Variants in KIF1B observed in about 807,000 individuals in gnomAD.
The protein encoded by KIF1B is kinesin-like protein KIF1B.
A neutral mutation model predicts 241.9 loss-of-function variants in KIF1B; 76 were observed. The ratio of observed to expected loss-of-function variants is 0.31; its 90% CI spans 0.26 to 0.38. KIF1B has a LOEUF of 0.38. Ranked by LOEUF, KIF1B falls within the 10% of genes least tolerant of loss-of-function variation. KIF1B has a pLI of 1.00. For synonymous variants in KIF1B, 750 were observed against 796.7 expected, an observed-to-expected ratio of 0.94 and a Z score of 0.99; for missense variants, 1,622 against 2,271.4, an observed-to-expected ratio of 0.71 and a Z score of 5.81.
At chr1:10,345,782 A>G in intron 34 of KIF1B, 63 bp from the exon 35 acceptor site, 1 of 1,175,390 alleles carries the variant, frequency 8.5e-7, no homozygotes, top group Non-Finnish European at 1.3e-6. Context: ...ACATTAGAGA[A>G]GCTTGTATTT....
intron 36 of KIF1B, 130 bp downstream of exon 36, chr1:10,347,957 C>A (rs1274666554): frequency 2.4e-5 from 17 of 720,052 alleles, no homozygotes; most frequent in Admixed American, 5.2e-5. Flanking sequence ...GTCCTGTTGT[C>A]ATTTTTTTTT....
intron 2 of KIF1B, among the ~76,000 whole-genome samples, chr1:10,234,538 T>C (rs1647024786): frequency 6.6e-6 from 1 of 151,738 alleles, no homozygotes; most frequent in Admixed American, 6.6e-5. Flanking sequence ...CTTTTTTTTT[T>C]TGAGACAGGG....
At position 10,365,462 on chromosome 1, in the gene KIF1B, C is replaced by T. The variant is rs144990126; in HGVS notation, c.4566C>T (p.Ile1522=). The change falls in exon 43 of 49, where the codon ATC becomes ATT. Residue 1522 remains isoleucine (I), a synonymous_variant. Transcript: ENST00000676179. The surrounding 1 kb of genome is among the most constrained non-coding windows in gnomAD (Gnocchi z 4.0). ...LLLRERLGDS[I]PKSLSDSLSP... is the part of the protein sequence containing the mutation. Reference sequence around the variant, plus strand: ...TGCGTGAGAGACTTGGTGACAGCATCCCCAAATCCCTGAGCGACTCGTTAT... The same window carrying T: ...TGCGTGAGAGACTTGGTGACAGCATTCCCAAATCCCTGAGCGACTCGTTAT... The T allele has an allele frequency of 1.2e-5, 20 of 1,614,036 alleles. No individual in the cohort carries two copies. Among genetic ancestry groups the T allele is most frequent in the East Asian group, 4.5e-5 (2 of 44,890 alleles).
intron 24 of KIF1B, 125 bp downstream of exon 24, chr1:10,321,982 CT>C: frequency 3.2e-6 from 3 of 948,524 alleles, no homozygotes; most frequent in East Asian, 2.6e-5. Context: ...TATAAAACAG[CT>C]TTATATATGT....
intron 33 of KIF1B, among the ~76,000 whole-genome samples, chr1:10,342,871 G>A (rs751112926): frequency 6.6e-6 from 1 of 152,126 alleles, no homozygotes; most frequent in Non-Finnish European, 1.5e-5. Context: ...ATTAGAAAGC[G>A]ATGGTAATGA....
intron 40 of KIF1B, among the ~76,000 whole-genome samples, chr1:10,362,071 A>G (rs769726089): frequency 2.0e-5 from 3 of 152,232 alleles, no homozygotes; most frequent in Non-Finnish European, 4.4e-5. Context: ...TGCAAAGACT[A>G]AATTTGCAAA....
intron 40 of KIF1B, among the ~76,000 whole-genome samples, chr1:10,362,348 C>T (rs1638444600): frequency 6.6e-6 from 1 of 151,830 alleles, no homozygotes; most frequent in Non-Finnish European, 1.5e-5. Flanking sequence ...TGGTGACACA[C>T]ACCTGTAGTC....
chr1:10,246,451 A>T (rs1289111678), intron 2 of KIF1B, among the ~76,000 whole-genome samples: 2 of 152,096 alleles, frequency 1.3e-5, no homozygotes, highest in African/African-American at 4.8e-5. Flanking sequence ...CATATTTTAG[A>T]AATATACATC....
chr1:10,232,381 G>T lies in KIF1B; in HGVS notation c.53G>T (p.Arg18Leu). Residue 18 changes from arginine to leucine, a missense_variant, in exon 2 of 49, where the codon CGA becomes CTA. By Grantham distance (102) the Arg-to-Leu change is moderately radical. This residue lies in a region of KIF1B where 156 missense variants were observed against 244.8 expected (regional missense o/e 0.64). Coordinates refer to ENST00000676179, the MANE Select transcript of KIF1B (RefSeq NM_001365951.3). ...GTCCGGGTAAGGCCCTTCAATTCTC[G>T]AGAGACCAGCAAGGAATCCAAATGC... ...VAVRVRPFNSRETSKESKCII... is the reference protein window; with the variant it reads ...VAVRVRPFNSLETSKESKCII... 1.2e-6 allele frequency: 2 copies of T among 1,614,058 alleles called. No individual in the cohort carries two copies. Among genetic ancestry groups the T allele is most frequent in the Non-Finnish European group, 1.7e-6 (2 of 1,179,986 alleles).
intron 2 of KIF1B, among the ~76,000 whole-genome samples, chr1:10,255,344 G>C (rs1647713487): frequency 6.6e-6 from 1 of 151,748 alleles, no homozygotes; most frequent in Non-Finnish European, 1.5e-5. Flanking sequence ...AATCCCAGCA[G>C]TTAGGGAGGC....
At chr1:10,313,968 C>T (rs1227256729) in intron 22 of KIF1B, among the ~76,000 whole-genome samples, 2 of 151,250 alleles carry the variant, frequency 1.3e-5, no homozygotes, top group African/African-American at 4.9e-5. Context: ...GATCTTGGCT[C>T]ACTGCAACCT....
At chr1:10,346,852 A>T (rs1652608515) in intron 35 of KIF1B, among the ~76,000 whole-genome samples, 1 of 152,194 alleles carries the variant, frequency 6.6e-6, no homozygotes, top group Non-Finnish European at 1.5e-5. Context: ...CTCTGTTGTG[A>T]GGGGCTGTCC....
Position 10,376,244 on chromosome 1 carries a change from T to C in KIF1B, c.5409-301T>C, listed in dbSNP as rs549849572. ...ACCAGGGATACTCTGGTCACACATG[T>C]GCACCAATTATTTTCCTTCTTTGTC... On this transcript the variant is annotated intron_variant, in intron 48 of 48. Transcript: ENST00000676179. Among the ~76,000 whole-genome samples the C allele has an allele frequency of 7.9e-5, 12 of 152,334 alleles. No homozygotes were observed. The South Asian group carries it at 2.5e-3, about 32-fold the overall frequency.
At position 10,282,463 on chromosome 1, in the gene KIF1B, C is replaced by CATCTTT. The variant is rs747574755; in HGVS notation, c.1364_1365insATCTTT (p.Ser456_Val457insLeuSer). ...TCACTCAGTAGTCAGGTGGGCTTGA[C>CATCTTT]GTCTGTGACCAGTATTCAAGAGAGG... On this transcript the variant is annotated inframe_insertion, in exon 15 of 49. Coordinates refer to ENST00000676179, the MANE Select transcript of KIF1B (RefSeq NM_001365951.3). 1 of 1,614,128 alleles carries CATCTTT rather than the reference C, an allele frequency of 6.2e-7. No homozygotes were observed. The highest frequency in any genetic ancestry group is 2.2e-5 in the East Asian group (1 of 44,874).
intron 1 of KIF1B, among the ~76,000 whole-genome samples, chr1:10,223,201 G>A (rs1226648633): frequency 6.6e-6 from 1 of 152,292 alleles, no homozygotes; most frequent in East Asian, 1.9e-4. Flanking sequence ...GCAGTAAACC[G>A]AGATGGCTAT....
chr1:10,252,386 T>TTTGTTG (rs70997214), intron 2 of KIF1B, among the ~76,000 whole-genome samples: 36,779 of 149,808 alleles, frequency 0.25, 4,610 homozygotes, highest in Admixed American at 0.29. Flanking sequence ...TTGTGGGGTT[T>TTTGTTG]TTGTTGTTGT....
rs1338608587 is a variant in KIF1B at position 10,361,833 on chromosome 1, T to G, written c.4304+8T>G. 1 of 1,613,588 alleles carries G rather than the reference T, an allele frequency of 6.2e-7. No individual in the cohort carries two copies. The highest frequency in any genetic ancestry group is 1.1e-5 in the South Asian group (1 of 91,084). On this transcript the variant is annotated splice_region_variant and intron_variant, in intron 40 of 48. Transcript: ENST00000676179. The stretch of plus-strand genomic sequence containing the variant: ...CTCAAAGTCACCAGATTCGTAAGTT[T>G]TTCACACAAGTTAGCTTCCAGTGTG...
At chr1:10,257,229 ATT>A (rs568511030) in intron 3 of KIF1B, among the ~76,000 whole-genome samples, 3 of 142,064 alleles carry the variant, frequency 2.1e-5, no homozygotes, top group South Asian at 2.2e-4. Flanking sequence ...TGCCTGGCCA[ATT>A]TTTTTTTTTT....
chr1:10,351,663 G>C (rs1377898376), intron 37 of KIF1B, among the ~76,000 whole-genome samples: 2 of 152,110 alleles, frequency 1.3e-5, no homozygotes, highest in African/African-American at 4.8e-5. Flanking sequence ...GAGCAAGAAA[G>C]GGGTGTAATA....
Sources: gnomAD v4.1 joint callset for allele counts (sites outside exome capture counted in the v4.1 genomes callset) on GRCh38, gnomAD v4.1.1 for gene constraint, gnomAD v4.1.1 regional missense constraint, Gnocchi (gnomAD v3.1) non-coding constraint, MANE v1.5 for transcripts, NCBI Gene and HGNC (gene_info 2026-07-23, HGNC 2026-07-21) for gene names.